Variants in ADAM18 observed in about 807,000 individuals in gnomAD.
ADAM18 encodes the protein ADAM metallopeptidase domain 18.
Under a neutral mutation model 94.4 loss-of-function variants are expected in ADAM18, and 117 were observed. The ratio of observed to expected loss-of-function variants is 1.24; its 90% confidence interval spans 1.07 to 1.45. The LOEUF (loss-of-function observed/expected upper bound fraction) is 1.45, where lower values mean the gene tolerates loss of function less well. Ranked by LOEUF, ADAM18 falls within the 40% of genes most tolerant of loss-of-function variation. ADAM18 has a pLI of 0.00. For missense variants in ADAM18, 936 were observed against 880.0 expected (o/e 1.06, Z -0.81); for synonymous variants, 327 against 291.6 (o/e 1.12, Z -1.24).
chr8:39,717,294 G>A (rs1402002669), intron 18 of ADAM18, among the ~76,000 whole-genome samples: 4 of 32,262 alleles, frequency 1.2e-4, no homozygotes, highest in African/African-American at 3.0e-4. Flanking sequence ...ATCTTGTAAC[G>A]TATTTTTATA....
intron 16 of ADAM18, among the ~76,000 whole-genome samples, chr8:39,686,035 T>C (rs1821598433): frequency 1.3e-5 from 2 of 152,206 alleles, no homozygotes; most frequent in Non-Finnish European, 2.9e-5. Context: ...CTAGGTAACC[T>C]GTGAGAAAAC....
At chr8:39,628,713 A>G (rs567551536) in intron 6 of ADAM18, among the ~76,000 whole-genome samples, 267 of 152,178 alleles carry the variant, frequency 1.8e-3, no homozygotes, top group African/African-American at 6.2e-3. Flanking sequence ...GCTTGTTAGA[A>G]ATAAAGCTCA....
At chr8:39,640,733 A>G (rs1820214617) in intron 10 of ADAM18, among the ~76,000 whole-genome samples, 1 of 152,112 alleles carries the variant, frequency 6.6e-6, no homozygotes, top group South Asian at 2.1e-4. Flanking sequence ...GACTGATGTA[A>G]GGTGCTATCT....
At chr8:39,701,153 A>G (rs1056261641) in intron 17 of ADAM18, among the ~76,000 whole-genome samples, 3 of 132,684 alleles carry the variant, frequency 2.3e-5, no homozygotes, top group Admixed American at 7.7e-5. Flanking sequence ...AAAAAAATTT[A>G]TTGTAATGTA....
chr8:39,717,352 G>A (rs1277835850), intron 18 of ADAM18, among the ~76,000 whole-genome samples: 1 of 151,740 alleles, frequency 6.6e-6, no homozygotes, highest in African/African-American at 2.4e-5. Flanking sequence ...AAAATTAAAA[G>A]TGATTTACTC....
intron 12 of ADAM18, among the ~76,000 whole-genome samples, chr8:39,656,507 T>TA (rs1228209441): frequency 1.3e-5 from 2 of 151,964 alleles, no homozygotes; most frequent in Non-Finnish European, 2.9e-5. Flanking sequence ...TGTGTAAAGG[T>TA]AAAAAAACAC....
intron 7 of ADAM18, 119 bp downstream of exon 7, chr8:39,629,558 C>T: frequency 1.6e-6 from 1 of 642,144 alleles, no homozygotes; most frequent in South Asian, 2.5e-5. Flanking sequence ...TCCCTTCCTC[C>T]ATTGTCTCCT....
intron 18 of ADAM18, among the ~76,000 whole-genome samples, chr8:39,710,272 A>C (rs1822358834): frequency 6.6e-6 from 1 of 152,228 alleles, no homozygotes; most frequent in South Asian, 2.1e-4. Flanking sequence ...GTATTTGTCA[A>C]CAAGTAAACA....
At chr8:39,709,958 G>A (rs1033072152) in intron 18 of ADAM18, among the ~76,000 whole-genome samples, 1 of 152,200 alleles carries the variant, frequency 6.6e-6, no homozygotes, top group East Asian at 1.9e-4. Context: ...ATAGACAGAG[G>A]TTTAGTTATC....
chr8:39,628,147 C>T (rs888589250), intron 6 of ADAM18, among the ~76,000 whole-genome samples: 3 of 151,888 alleles, frequency 2.0e-5, no homozygotes, highest in East Asian at 1.9e-4. Flanking sequence ...GCCCCCTTTT[C>T]TCACTCAACA....
intron 18 of ADAM18, among the ~76,000 whole-genome samples, chr8:39,711,031 A>T (rs1822380641): frequency 6.6e-6 from 1 of 152,168 alleles, no homozygotes; most frequent in South Asian, 2.1e-4. Flanking sequence ...TGAATAGAAG[A>T]GTTAAGAGTT....
chr8:39,585,508 T>C (rs1585866880), intron 2 of ADAM18, among the ~76,000 whole-genome samples, 156 bp downstream of exon 2: 1 of 152,196 alleles, frequency 6.6e-6, no homozygotes, highest in Non-Finnish European at 1.5e-5. Context: ...ATCCTCTTGT[T>C]CCCCCATTTC....
chr8:39,609,897 A>C (rs1819213355), intron 5 of ADAM18, among the ~76,000 whole-genome samples: 1 of 152,158 alleles, frequency 6.6e-6, no homozygotes, highest in South Asian at 2.1e-4. Flanking sequence ...TAATAGGAAA[A>C]TATAGTATGG....
chr8:39,634,336 C>T (rs905221312), intron 7 of ADAM18, among the ~76,000 whole-genome samples: 2 of 152,140 alleles, frequency 1.3e-5, no homozygotes, highest in Non-Finnish European at 2.9e-5. Context: ...CCCACTAAGG[C>T]AATGCCCAGT....
At chr8:39,634,113 G>C (rs1231346261) in intron 7 of ADAM18, among the ~76,000 whole-genome samples, 2 of 152,136 alleles carry the variant, frequency 1.3e-5, no homozygotes, top group Non-Finnish European at 2.9e-5. Context: ...GCCACCTCAG[G>C]TCTAAGATCC....
chr8:39,640,262 T>TAA (rs1469021700), intron 10 of ADAM18, among the ~76,000 whole-genome samples: 1 of 152,154 alleles, frequency 6.6e-6, no homozygotes, highest in African/African-American at 2.4e-5. Flanking sequence ...CTCCCACTTA[T>TAA]AAGTGAGAAT....
At chr8:39,684,711 A>T (rs965338659) in intron 16 of ADAM18, among the ~76,000 whole-genome samples, 7 of 152,230 alleles carry the variant, frequency 4.6e-5, no homozygotes, top group Non-Finnish European at 8.8e-5. Flanking sequence ...ATGAGAGAAG[A>T]GACCACTTCT....
At chr8:39,710,332 T>C (rs1388986911) in intron 18 of ADAM18, among the ~76,000 whole-genome samples, 1 of 152,200 alleles carries the variant, frequency 6.6e-6, no homozygotes, top group African/African-American at 2.4e-5. Context: ...TACATGTTTC[T>C]AAGGCAATAT....
At chr8:39,592,808 G>T (rs548702413) in intron 2 of ADAM18, among the ~76,000 whole-genome samples, 14 of 152,198 alleles carry the variant, frequency 9.2e-5, no homozygotes, top group African/African-American at 3.1e-4. Context: ...AATCAAGCAC[G>T]TGTACCCCTG....
Sources: allele counts gnomAD v4.1 joint callset (sites outside exome capture counted in the v4.1 genomes callset), GRCh38; gene constraint gnomAD v4.1.1; transcripts MANE v1.5; gene names NCBI Gene and HGNC (gene_info 2026-07-23, HGNC 2026-07-21).